Variants in PTPRT observed in about 807,000 individuals in gnomAD.
PTPRT encodes protein tyrosine phosphatase receptor type T.
A neutral mutation model predicts 176.8 loss-of-function variants in PTPRT; 56 were observed. The observed-to-expected ratio is 0.32, with a 90% CI of 0.26 to 0.40. PTPRT has a LOEUF of 0.40. Among genes scored for constraint, PTPRT ranks in the 10% least tolerant of loss-of-function variants. PTPRT has a pLI of 1.00. For synonymous variants in PTPRT, 783 were observed against 739.0 expected, an observed-to-expected ratio of 1.06 and a Z score of -0.96; for missense variants, 1,540 against 1,908.2, an observed-to-expected ratio of 0.81 and a Z score of 3.60.
chr20:42,643,793 A>G (rs1332276645), intron 7 of PTPRT, among the ~76,000 whole-genome samples: 1 of 152,074 alleles, frequency 6.6e-6, no homozygotes, highest in Non-Finnish European at 1.5e-5. Context: ...AAGCTGCTTT[A>G]TACGACTGGT....
At chr20:42,903,379 A>G (rs933811079) in intron 1 of PTPRT, among the ~76,000 whole-genome samples, 4 of 152,250 alleles carry the variant, frequency 2.6e-5, no homozygotes, top group Admixed American at 1.3e-4. Flanking sequence ...CAGAAGCCCA[A>G]GGAACATTTA....
At chr20:42,402,022 C>T (rs980907472) in intron 9 of PTPRT, among the ~76,000 whole-genome samples, 5 of 152,262 alleles carry the variant, frequency 3.3e-5, no homozygotes, top group East Asian at 3.9e-4. Flanking sequence ...GAAATTGGTT[C>T]GCTCTGATTC....
intron 7 of PTPRT, among the ~76,000 whole-genome samples, chr20:42,551,828 C>T (rs144165615): frequency 7.9e-5 from 12 of 152,280 alleles, no homozygotes; most frequent in African/African-American, 2.9e-4. Flanking sequence ...TCCTTGAGTA[C>T]TTTGTTTTCC....
intron 2 of PTPRT, among the ~76,000 whole-genome samples, chr20:42,868,976 G>C (rs1251073120): frequency 6.6e-6 from 1 of 152,148 alleles, no homozygotes; most frequent in Admixed American, 6.5e-5. Context: ...CCCTCCAGAG[G>C]GCATAAACAG....
At chr20:42,242,689 A>G (rs1486899730) in intron 14 of PTPRT, among the ~76,000 whole-genome samples, 4 of 152,212 alleles carry the variant, frequency 2.6e-5, no homozygotes, top group Admixed American at 6.5e-5. Flanking sequence ...CAGAAAAACT[A>G]AGAAAAAAAT....
intron 3 of PTPRT, among the ~76,000 whole-genome samples, chr20:42,781,222 G>C (rs147083218): frequency 6.6e-6 from 1 of 152,030 alleles, no homozygotes; most frequent in East Asian, 1.9e-4. Flanking sequence ...GACTCCATAC[G>C]AGTCTCTCCT....
chr20:42,770,196 C>T (rs546189474), intron 5 of PTPRT, among the ~76,000 whole-genome samples: 23 of 152,284 alleles, frequency 1.5e-4, no homozygotes, highest in African/African-American at 5.5e-4. Context: ...GATCTCAGTT[C>T]ACTGCAACCT....
At chr20:42,107,649 GACATGTGCCTTAC>G (rs1986588148) in intron 23 of PTPRT, among the ~76,000 whole-genome samples, 1 of 152,232 alleles carries the variant, frequency 6.6e-6, no homozygotes, top group Non-Finnish European at 1.5e-5. Flanking sequence ...AGGCACGTAA[GACATGTGCCTTAC>G]ACATGTGCAG....
At chr20:42,830,424 A>G (rs1266022830) in intron 2 of PTPRT, among the ~76,000 whole-genome samples, 1 of 152,182 alleles carries the variant, frequency 6.6e-6, no homozygotes, top group African/African-American at 2.4e-5. Flanking sequence ...CTTTCAATAC[A>G]CTACGTATTC....
chr20:42,347,861 C>G (rs759063378), intron 11 of PTPRT, among the ~76,000 whole-genome samples: 5 of 152,202 alleles, frequency 3.3e-5, no homozygotes, highest in Non-Finnish European at 7.3e-5. Flanking sequence ...GCAAACAGAC[C>G]AAGTTCTGTT....
At chr20:42,032,627 C>T in the PTPRT span, among the ~76,000 whole-genome samples, 25 of 152,110 alleles carry the variant, frequency 1.6e-4, no homozygotes, top group African/African-American at 5.8e-4. Flanking sequence ...TGTGTAATCC[C>T]CTCCTTTTAA....
rs1350116147 is a variant in PTPRT at position 42,813,354 on chromosome 20, C to A, written c.215-21888G>T. ...GAATCCTTGCCCTTGTATATTACAG[C>A]CCCCTGCTTGCTTGCATCCCTTCCT... is the stretch of plus-strand genomic sequence containing the variant. On this transcript the variant is annotated intron_variant, in intron 2 of 30. Coordinates refer to ENST00000373187, the MANE Select transcript of PTPRT (RefSeq NM_007050.6). 3.3e-5 allele frequency among the ~76,000 whole-genome samples: 5 copies of A among 151,966 alleles called. No individual in the cohort carries two copies. In the East Asian group the frequency reaches 9.7e-4, roughly 29 times the overall value.
At chr20:42,775,126 C>A (rs972725339) in intron 4 of PTPRT, among the ~76,000 whole-genome samples, 18 of 152,174 alleles carry the variant, frequency 1.2e-4, no homozygotes, top group Non-Finnish European at 2.1e-4. Context: ...ACACTGAGAC[C>A]CAATTCCCCC....
chr20:42,258,360 T>C (rs919534440), intron 13 of PTPRT, among the ~76,000 whole-genome samples: 2 of 152,220 alleles, frequency 1.3e-5, no homozygotes, highest in Admixed American at 1.3e-4. Context: ...TATTTAAACT[T>C]GACCTTTTTA....
chr20:42,348,712 A>T (rs991358824), intron 11 of PTPRT, among the ~76,000 whole-genome samples: 9 of 152,316 alleles, frequency 5.9e-5, no homozygotes, highest in African/African-American at 2.2e-4. Flanking sequence ...TTGCAGACCC[A>T]TCTTTTCAGG....
intron 1 of PTPRT, among the ~76,000 whole-genome samples, chr20:43,158,629 G>A (rs1161073351): frequency 6.6e-6 from 1 of 151,956 alleles, no homozygotes; most frequent in Non-Finnish European, 1.5e-5. Context: ...CTCACTCCAG[G>A]GCCTGAGCAG....
intron 6 of PTPRT, among the ~76,000 whole-genome samples, chr20:42,724,328 C>A (rs553736079): frequency 5.9e-5 from 9 of 152,324 alleles, no homozygotes; most frequent in African/African-American, 2.2e-4. Context: ...CCCTCATGCA[C>A]CTGGAGGCCC....
intron 7 of PTPRT, among the ~76,000 whole-genome samples, chr20:42,637,161 G>C (rs2074621670): frequency 1.3e-5 from 2 of 152,210 alleles, no homozygotes; most frequent in South Asian, 4.1e-4. Context: ...CTAATAATTT[G>C]CATTTTCAAC....
At chr20:42,391,372 A>C (rs1184560336) in intron 9 of PTPRT, among the ~76,000 whole-genome samples, 2 of 152,172 alleles carry the variant, frequency 1.3e-5, no homozygotes, top group Non-Finnish European at 2.9e-5. Flanking sequence ...CCTGAGTTGC[A>C]AGAACCCAGA....
Sources: allele counts gnomAD v4.1 joint callset (sites outside exome capture counted in the v4.1 genomes callset), GRCh38; gene constraint gnomAD v4.1.1; transcripts MANE v1.5; gene names NCBI Gene and HGNC (gene_info 2026-07-23, HGNC 2026-07-21).